Variants in CLDN14 observed in about 807,000 individuals in gnomAD.
The protein encoded by CLDN14 is claudin 14, also known as claudin-14.
A neutral mutation model predicts 2.1 loss-of-function variants in CLDN14; 2 were observed. The observed-to-expected ratio is 0.96, with a 90% CI of 0.39 to 3.01. The LOEUF is 3.01. Ranked by LOEUF, CLDN14 falls within the 30% of genes most tolerant of loss-of-function variation. The pLI, the probability that CLDN14 is intolerant of heterozygous loss-of-function variation, is 0.09. For missense variants in CLDN14, 298 were observed against 328.0 expected (o/e 0.91, Z 0.71); for synonymous variants, 136 against 154.4 (o/e 0.88, Z 0.88).
intron 2 of CLDN14, among the ~76,000 whole-genome samples, chr21:36,494,180 A>G (rs1829842698): frequency 6.6e-6 from 1 of 152,180 alleles, no homozygotes; most frequent in Admixed American, 6.5e-5. Context: ...CTTCTCTCCC[A>G]GCGGGGGACT....
At chr21:36,557,354 T>A (rs1452582171) in intron 1 of CLDN14, among the ~76,000 whole-genome samples, 2 of 152,248 alleles carry the variant, frequency 1.3e-5, no homozygotes, top group East Asian at 1.9e-4. Flanking sequence ...TTTAACTTTT[T>A]TGAGGAAACT....
intron 1 of CLDN14, among the ~76,000 whole-genome samples, chr21:36,515,013 A>AT (rs1264401613): frequency 6.6e-6 from 1 of 152,310 alleles, no homozygotes; most frequent in East Asian, 1.9e-4. Flanking sequence ...TTCCCACTTT[A>AT]TACCTGTTAG....
chr21:36,571,880 G>T (rs928957650), intron 1 of CLDN14, among the ~76,000 whole-genome samples: 1 of 152,110 alleles, frequency 6.6e-6, no homozygotes, highest in Admixed American at 6.5e-5. Flanking sequence ...AAAGGTAAAG[G>T]TCAGCGTATA....
intron 2 of CLDN14, among the ~76,000 whole-genome samples, chr21:36,503,086 C>G (rs889234132): frequency 6.6e-6 from 1 of 152,310 alleles, no homozygotes; most frequent in South Asian, 2.1e-4. Context: ...TAGAGTCTCA[C>G]TCTTTCGCCC....
chr21:36,495,703 G>C (rs1240050666), intron 2 of CLDN14, among the ~76,000 whole-genome samples: 1 of 152,252 alleles, frequency 6.6e-6, no homozygotes, highest in Admixed American at 6.5e-5. Flanking sequence ...CCCATGCACT[G>C]AGTTAGAGAG....
At chr21:36,523,663 G>T (rs1025336735) in intron 1 of CLDN14, among the ~76,000 whole-genome samples, 1 of 150,072 alleles carries the variant, frequency 6.7e-6, no homozygotes, top group African/African-American at 2.5e-5. Flanking sequence ...CAGGAGAATC[G>T]CTTGGACCCG....
chr21:36,524,129 T>A (rs78173357), intron 1 of CLDN14, among the ~76,000 whole-genome samples: 3 of 143,350 alleles, frequency 2.1e-5, no homozygotes, highest in Non-Finnish European at 4.7e-5. Context: ...TTTTTTTTTT[T>A]AATGAGACGG....
At chr21:36,500,876 A>C (rs1276706539) in intron 2 of CLDN14, among the ~76,000 whole-genome samples, 2 of 152,224 alleles carry the variant, frequency 1.3e-5, no homozygotes, top group Non-Finnish European at 2.9e-5. Flanking sequence ...TTTTAATAAG[A>C]CTTGCTATCA....
chr21:36,568,867 T>C (rs1320465013), intron 1 of CLDN14, among the ~76,000 whole-genome samples: 2 of 152,246 alleles, frequency 1.3e-5, no homozygotes, highest in African/African-American at 2.4e-5. Flanking sequence ...TGTATGGCAT[T>C]GACTGTCCTT....
chr21:36,461,401 CGGCGCA>C lies in CLDN14; in HGVS notation c.289_294del (p.Cys97_Ala98del), dbSNP rs773126341. On this transcript the variant is annotated inframe_deletion, in exon 2 of 2. Transcript: ENST00000399135. ...CAGCGCGTGCACTTCATCCCGATGA[CGGCGCA>C]GGCGCAGGCTATGCCCGAGAGCAGG... 13 of 1,613,176 alleles carry C rather than the reference CGGCGCA, an allele frequency of 8.1e-6. No homozygotes were observed. In the Admixed American group the frequency reaches 8.3e-5, roughly 10 times the overall value.
intron 1 of CLDN14, among the ~76,000 whole-genome samples, chr21:36,466,202 C>A (rs2086644275): frequency 6.6e-6 from 1 of 152,196 alleles, no homozygotes; most frequent in South Asian, 2.1e-4. Context: ...CCCCCCTGCA[C>A]CCCCTTTACC....
At chr21:36,566,790 T>A (rs1314518401) in intron 1 of CLDN14, among the ~76,000 whole-genome samples, 1 of 152,144 alleles carries the variant, frequency 6.6e-6, no homozygotes, top group African/African-American at 2.4e-5. Context: ...CCACTTTCCC[T>A]CCAAATTCAC....
intron 2 of CLDN14, among the ~76,000 whole-genome samples, chr21:36,501,923 CTTT>C (rs10691614): frequency 1.3e-5 from 2 of 148,440 alleles, no homozygotes; most frequent in Non-Finnish European, 1.5e-5. Flanking sequence ...TTGAAAAGAC[CTTT>C]TTTTTTTTTT....
chr21:36,507,412 T>A (rs959888853), intron 2 of CLDN14, among the ~76,000 whole-genome samples: 1 of 152,070 alleles, frequency 6.6e-6, no homozygotes, highest in African/African-American at 2.4e-5. Context: ...CGCTTGAGTG[T>A]TTAATTACTA....
chr21:36,534,162 C>T (rs985782139), intron 1 of CLDN14, among the ~76,000 whole-genome samples: 9 of 152,038 alleles, frequency 5.9e-5, no homozygotes, highest in Admixed American at 2.0e-4. Flanking sequence ...AGGGCAATGG[C>T]GCGATCTCAG....
At chr21:36,554,856 G>T (rs1845761824) in intron 1 of CLDN14, among the ~76,000 whole-genome samples, 2 of 152,330 alleles carry the variant, frequency 1.3e-5, no homozygotes, top group South Asian at 4.1e-4. Flanking sequence ...ACAGGCCTGG[G>T]AAGGGTCTGC....
At chr21:36,564,658 C>G (rs1314413596) in intron 1 of CLDN14, among the ~76,000 whole-genome samples, 1 of 152,180 alleles carries the variant, frequency 6.6e-6, no homozygotes, top group East Asian at 1.9e-4. Context: ...CGCCCATGCC[C>G]TCATCTCCAG....
intron 2 of CLDN14, among the ~76,000 whole-genome samples, chr21:36,494,826 C>G (rs780759142): frequency 1.3e-5 from 2 of 152,198 alleles, no homozygotes; most frequent in African/African-American, 4.8e-5. Context: ...GTTGTTTAAG[C>G]CGCCCTGTCT....
At chr21:36,522,710 A>G (rs929903156) in intron 1 of CLDN14, among the ~76,000 whole-genome samples, 2 of 152,238 alleles carry the variant, frequency 1.3e-5, no homozygotes, top group Non-Finnish European at 1.5e-5. Context: ...AAGGGCAAGC[A>G]TTGCCATTCC....
Sources: gnomAD v4.1 joint callset for allele counts (sites outside exome capture counted in the v4.1 genomes callset) on GRCh38, gnomAD v4.1.1 for gene constraint, MANE v1.5 for transcripts, NCBI Gene and HGNC (gene_info 2026-07-23, HGNC 2026-07-21) for gene names.